GRIK1: variants seen among roughly 807,000 people sequenced by gnomAD.
GRIK1 encodes the protein glutamate ionotropic receptor kainate type subunit 1, also known as glutamate receptor ionotropic, kainate 1.
In GRIK1, 69 loss-of-function variants were observed where a neutral mutation model predicts 105.7. The observed-to-expected ratio is 0.65, with a 90% CI of 0.54 to 0.80. The LOEUF is 0.80. Among genes scored for constraint, GRIK1 ranks in the 30% least tolerant of loss-of-function variants. The pLI is 0.00. For synonymous variants in GRIK1, 438 were observed against 431.3 expected, an observed-to-expected ratio of 1.02 and a Z score of -0.19; for missense variants, 1,109 against 1,167.3, an observed-to-expected ratio of 0.95 and a Z score of 0.73.
chr21:29,583,011 C>G (rs1230137657), intron 12 of GRIK1, among the ~76,000 whole-genome samples: 1 of 152,064 alleles, frequency 6.6e-6, no homozygotes, highest in Non-Finnish European at 1.5e-5. Flanking sequence ...TCATGAAAAA[C>G]CATTTTCTAA....
At chr21:29,756,586 C>T (rs1183843844) in intron 1 of GRIK1, among the ~76,000 whole-genome samples, 1 of 151,732 alleles carries the variant, frequency 6.6e-6, no homozygotes, top group Non-Finnish European at 1.5e-5. Flanking sequence ...CTCCCTGATC[C>T]CACAAAAGAA....
At chr21:29,667,050 G>A (rs1436420134) in intron 4 of GRIK1, among the ~76,000 whole-genome samples, 1 of 152,178 alleles carries the variant, frequency 6.6e-6, no homozygotes, top group Non-Finnish European at 1.5e-5. Flanking sequence ...CATACGGTAC[G>A]TGTTCAGTAT....
At chr21:29,620,185 A>G (rs2061953823) in intron 7 of GRIK1, among the ~76,000 whole-genome samples, 1 of 152,242 alleles carries the variant, frequency 6.6e-6, no homozygotes, top group Non-Finnish European at 1.5e-5. Flanking sequence ...ACTAGCTTAA[A>G]TGTTGACAGG....
At chr21:29,835,549 C>T (rs1045229396) in intron 1 of GRIK1, among the ~76,000 whole-genome samples, 1 of 152,156 alleles carries the variant, frequency 6.6e-6, no homozygotes. Context: ...ATCCCACAAT[C>T]CCATAATGCA....
At chr21:29,820,227 T>C (rs776216894) in intron 1 of GRIK1, among the ~76,000 whole-genome samples, 10 of 152,108 alleles carry the variant, frequency 6.6e-5, no homozygotes, top group Non-Finnish European at 1.2e-4. Context: ...TTTCCATTTT[T>C]TTCTTCCTGC....
At chr21:29,770,300 T>G (rs925728724) in intron 1 of GRIK1, among the ~76,000 whole-genome samples, 6 of 152,166 alleles carry the variant, frequency 3.9e-5, no homozygotes, top group African/African-American at 1.4e-4. Flanking sequence ...TGTTAGTAAA[T>G]GCCCCAATCT....
intron 9 of GRIK1, chr21:29,596,151 G>T: frequency 2.8e-6 from 1 of 359,948 alleles, no homozygotes; most frequent in Non-Finnish European, 5.4e-6. Context: ...CAAATCTATT[G>T]TGATTTTTAT....
At chr21:29,697,435 G>C (rs753015941) in intron 1 of GRIK1, among the ~76,000 whole-genome samples, 1 of 152,088 alleles carries the variant, frequency 6.6e-6, no homozygotes, top group Non-Finnish European at 1.5e-5. Context: ...TTATGTGCTT[G>C]GGTAGTGTGT....
In GRIK1 at chr21:29,587,365, C is replaced by A; in HGVS notation, c.1793+1G>T. ...GTGAATTCAGTGATTCTCAAACTTA[C>A]CTTGCAATCACAAAGAGTACACAGC... On this transcript the variant is annotated splice_donor_variant, in intron 12 of 17. Coordinates refer to ENST00000327783, the MANE Select transcript of GRIK1 (RefSeq NM_001330994.2). LOFTEE classifies it high-confidence loss of function. 1 of 1,584,886 alleles carries A rather than the reference C, an allele frequency of 6.3e-7. No homozygotes were observed. Among genetic ancestry groups the A allele is most frequent in the Admixed American group, 1.7e-5 (1 of 59,962 alleles).
At chr21:29,767,810 G>A (rs1206809341) in intron 1 of GRIK1, among the ~76,000 whole-genome samples, 1 of 151,136 alleles carries the variant, frequency 6.6e-6, no homozygotes, top group African/African-American at 2.5e-5. Flanking sequence ...AAATTTGTAT[G>A]TATGTGTGTG....
At chr21:29,661,742 G>A (rs746294325) in intron 4 of GRIK1, among the ~76,000 whole-genome samples, 5 of 152,092 alleles carry the variant, frequency 3.3e-5, no homozygotes, top group African/African-American at 4.8e-5. Flanking sequence ...ATATGAAATC[G>A]CTGTAACCCT....
chr21:29,620,666 A>AC (rs1409377667), intron 7 of GRIK1, among the ~76,000 whole-genome samples: 1 of 150,966 alleles, frequency 6.6e-6, no homozygotes, highest in Non-Finnish European at 1.5e-5. Context: ...GGAAAAAAAA[A>AC]AAGCTGTGAG....
intron 3 of GRIK1, among the ~76,000 whole-genome samples, chr21:29,686,156 C>G (rs1159590205): frequency 6.6e-6 from 1 of 152,156 alleles, no homozygotes; most frequent in Non-Finnish European, 1.5e-5. Flanking sequence ...GGTCTTTGGT[C>G]TTCATTTTTG....
chr21:29,878,179 C>T lies in GRIK1; in HGVS notation c.118+61204G>A, dbSNP rs78720171. Reference sequence around the variant, plus strand: ...ATTGGTAGGAAAAGAGGAAAGTGGTCTGACTAGTGATTAAATGACTGCATT... The same window carrying T: ...ATTGGTAGGAAAAGAGGAAAGTGGTTTGACTAGTGATTAAATGACTGCATT... On this transcript the variant is annotated intron_variant, in intron 1 of 17. Coordinates refer to ENST00000327783, the MANE Select transcript of GRIK1 (RefSeq NM_001330994.2). 9.2e-3 allele frequency among the ~76,000 whole-genome samples: 1,396 copies of T among 152,108 alleles called. 19 individuals are homozygous for T. Among genetic ancestry groups the T allele is most frequent in the African/African-American group, 0.032 (1,328 of 41,486 alleles).
At chr21:29,934,262 C>T (rs2071670633) in intron 1 of GRIK1, among the ~76,000 whole-genome samples, 2 of 152,180 alleles carry the variant, frequency 1.3e-5, no homozygotes, top group Admixed American at 1.3e-4. Context: ...AGTTGCCTCA[C>T]ATATAAATCA....
At chr21:29,598,797 G>T in intron 8 of GRIK1, 33 bp downstream of exon 8, 1 of 962,112 alleles carries the variant, frequency 1.0e-6, no homozygotes, top group Non-Finnish European at 1.6e-6. Context: ...ATGTTCATTT[G>T]TTATTTTATT....
At chr21:29,932,542 G>T (rs1469441474) in intron 1 of GRIK1, among the ~76,000 whole-genome samples, 1 of 151,786 alleles carries the variant, frequency 6.6e-6, no homozygotes, top group East Asian at 1.9e-4. Context: ...TCCTCTCCAA[G>T]ATTAACTATT....
At chr21:29,753,521 G>A (rs562469848) in intron 1 of GRIK1, among the ~76,000 whole-genome samples, 1 of 152,180 alleles carries the variant, frequency 6.6e-6, no homozygotes, top group East Asian at 1.9e-4. Context: ...GGCATAGATG[G>A]GCTTCATATT....
intron 1 of GRIK1, among the ~76,000 whole-genome samples, chr21:29,743,940 G>A (rs1409615850): frequency 2.0e-5 from 3 of 152,210 alleles, no homozygotes; most frequent in African/African-American, 7.2e-5. Flanking sequence ...GACAGAGGGT[G>A]GTAGAAGGGA....
Sources: allele counts gnomAD v4.1 joint callset (sites outside exome capture counted in the v4.1 genomes callset), GRCh38; gene constraint gnomAD v4.1.1; transcripts MANE v1.5; gene names NCBI Gene and HGNC (gene_info 2026-07-23, HGNC 2026-07-21).